The following CHD8 variants were observed in gnomAD, a reference collection of about 807,000 sequenced individuals.
CHD8 encodes the protein ATP-dependent chromatin remodeler CHD8.
A neutral mutation model predicts 279.2 loss-of-function variants in CHD8; 31 were observed. The observed-to-expected ratio is 0.11, with a 90% CI of 0.08 to 0.15. CHD8 has a LOEUF of 0.15. Among genes scored for constraint, CHD8 ranks in the 10% least tolerant of loss-of-function variants. The pLI, the probability that CHD8 is intolerant of heterozygous loss-of-function variation, is 1.00. For synonymous variants in CHD8, 1,081 were observed against 1,139.6 expected (o/e 0.95, Z 1.04); for missense variants, 2,146 against 3,230.5 (o/e 0.66, Z 8.14).
In CHD8 at chr14:21,391,016, A is replaced by T. The variant is rs1566409423; in HGVS notation, c.7113T>A (p.Asn2371Lys). ...CCAAACAGTTCAATTCTGCCTTATT[A>T]TTTTTTTTACATCTTTGCCACTTCT... ...RKQKWQRCKK[N>K]NKAELNCLGM... is the part of the protein sequence containing the mutation. The change falls in exon 37 of 38, where the codon AAT (asparagine) becomes AAA (lysine). Residue 2371 changes from asparagine to lysine, a missense_variant. Around this residue, in one of 26 missense-constraint regions of CHD8, gnomAD observed 336 missense variants for 392.9 expected, o/e 0.86. Coordinates refer to ENST00000646647, the MANE Select transcript of CHD8 (RefSeq NM_001170629.2). The T allele has an allele frequency of 9.4e-6, 15 of 1,602,016 alleles. No individual in the cohort carries two copies. Among genetic ancestry groups the T allele is most frequent in the African/African-American group, 2.7e-5 (2 of 74,644 alleles).
In CHD8 at chr14:21,400,507, T is replaced by C. The variant is rs1365654930; in HGVS notation, c.4476A>G (p.Leu1492=). 6.2e-7 allele frequency: 1 copy of C among 1,613,276 alleles called. No individual in the cohort carries two copies. Among genetic ancestry groups the C allele is most frequent in the Admixed American group, 1.7e-5 (1 of 59,840 alleles). ...TAATATTTTCATCCCCACGGTAGTG[T>C]AGAAGACAGTACACGAGAATGGCCC... ...ICRAILVYCL[L]HYRGDENIKG... Residue 1492 remains leucine (L), a synonymous_variant, in exon 23 of 38, where the codon CTA becomes CTG. Transcript: ENST00000646647. This position sits in a 1 kb window ranked among gnomAD's most constrained non-coding sequence, Gnocchi z 4.2.
chr14:21,443,116 G>C (rs1890024895), intron 1 of CHD8, among the ~76,000 whole-genome samples: 1 of 152,178 alleles, frequency 6.6e-6, no homozygotes, highest in South Asian at 2.1e-4. Context: ...GCTGGGCTGG[G>C]CTCAGTGGCT....
rs1428045278 is a variant in CHD8, at chr14:21,399,997, C to G, written c.4801G>C (p.Gly1601Arg). The change falls in exon 25 of 38, where the codon GGG becomes CGG. Residue 1601 changes from glycine to arginine, a missense_variant. Gly to Arg is a moderately radical substitution (Grantham distance 125, BLOSUM62 -2). Coordinates refer to ENST00000646647, the MANE Select transcript of CHD8 (RefSeq NM_001170629.2). Reference sequence around the variant, plus strand: ...GAATTTTACCTGGCAATCGCACCCCCTAACACCTTTTCTGCTTGGTCTCCA... The same window carrying G: ...GAATTTTACCTGGCAATCGCACCCCGTAACACCTTTTCTGCTTGGTCTCCA... ...VIGDQAEKVL[G>R]GAIASEIDIW... The G allele has an allele frequency of 1.9e-6, 3 of 1,613,214 alleles. No homozygotes were observed. The highest frequency in any genetic ancestry group is 2.5e-6 in the Non-Finnish European group (3 of 1,179,804).
chr14:21,422,418 A>G (rs1018217355), intron 5 of CHD8, among the ~76,000 whole-genome samples: 3 of 152,240 alleles, frequency 2.0e-5, no homozygotes, highest in African/African-American at 7.2e-5. Context: ...CTAGCAAACT[A>G]ACAGACCACT....
intron 1 of CHD8, among the ~76,000 whole-genome samples, chr14:21,446,273 C>T (rs775481852): frequency 6.6e-6 from 1 of 151,548 alleles, no homozygotes; most frequent in Non-Finnish European, 1.5e-5. Context: ...GCCAGGCACT[C>T]TAAGCAATGA....
chr14:21,427,686 A>G (rs1009756667), intron 4 of CHD8, 183 bp downstream of exon 4: 92 of 1,498,246 alleles, frequency 6.1e-5, no homozygotes, highest in Non-Finnish European at 7.5e-5. Context: ...AGGAGTACTC[A>G]CTTGAGCTTA....
chr14:21,394,603 C>T (rs1267438494), intron 30 of CHD8, 118 bp from the exon 31 acceptor site: 19 of 77,114 alleles, frequency 2.5e-4, no homozygotes, highest in African/African-American at 7.2e-4. Flanking sequence ...TGAAAGTAGA[C>T]GCAAAAAAAA....
At chr14:21,422,502 T>C (rs1889089798) in intron 5 of CHD8, among the ~76,000 whole-genome samples, 1 of 152,240 alleles carries the variant, frequency 6.6e-6, no homozygotes, top group East Asian at 1.9e-4. Flanking sequence ...TAACAAATAC[T>C]TTATTACTTT....
At position 21,402,210 on chromosome 14, in the gene CHD8, T is replaced by C; in HGVS notation, c.3883-74A>G. 6.8e-7 allele frequency: 1 copy of C among 1,462,740 alleles called. No individual in the cohort carries two copies. Among genetic ancestry groups the C allele is most frequent in the Non-Finnish European group, 9.3e-7 (1 of 1,073,066 alleles). The allele number at this position is 1,462,740 out of a possible 1,614,324, so 90.6% of individuals were successfully genotyped here. On this transcript the variant is annotated intron_variant, in intron 19 of 37. Transcript: ENST00000646647. The surrounding 1 kb of genome is among the most constrained non-coding windows in gnomAD (Gnocchi z 4.5). Reference sequence around the variant, plus strand: ...TAACCATGCCATAATATTTTAGCTATTATATTTTAAGAAATAATAATTGAG... The same window carrying C: ...TAACCATGCCATAATATTTTAGCTACTATATTTTAAGAAATAATAATTGAG...
At chr14:21,410,043 G>C in intron 10 of CHD8, 55 bp from the exon 11 acceptor site, 1 of 1,494,794 alleles carries the variant, frequency 6.7e-7, no homozygotes, top group Non-Finnish European at 9.0e-7. Flanking sequence ...CTCTGCTCCA[G>C]TTAAAGAATA....
At position 21,406,823 on chromosome 14, in the gene CHD8, G is replaced by T. The variant is rs534859771; in HGVS notation, c.2907+33C>A. 1.5e-5 allele frequency: 23 copies of T among 1,570,838 alleles called. No individual in the cohort carries two copies. The East Asian group carries it at 4.9e-4, about 34-fold the overall frequency. ...CGCAAGGAATTACGGTTTATTCCAG[G>T]TGTTTCTGCTCACAAGTCAGTGTGG... is the stretch of plus-strand genomic sequence containing the variant. On this transcript the variant is annotated intron_variant, in intron 14 of 37. Transcript: ENST00000646647.
intron 1 of CHD8, among the ~76,000 whole-genome samples, chr14:21,439,398 A>G (rs1260841230): frequency 2.0e-5 from 3 of 152,134 alleles, no homozygotes; most frequent in African/African-American, 7.2e-5. Context: ...CCACCATCCA[A>G]TCATTTGCCA....
At chr14:21,443,433 CT>C (rs1407156105) in intron 1 of CHD8, among the ~76,000 whole-genome samples, 3 of 152,036 alleles carry the variant, frequency 2.0e-5, no homozygotes, top group Admixed American at 2.0e-4. Context: ...AGAATAATGC[CT>C]TCTTAAGCAG....
intron 13 of CHD8, 94 bp from the exon 14 acceptor site, chr14:21,407,126 T>C: frequency 2.0e-6 from 2 of 1,016,878 alleles, no homozygotes; most frequent in East Asian, 2.6e-5. Context: ...GCATGTTTAA[T>C]AGGCAATACA....
intron 1 of CHD8, among the ~76,000 whole-genome samples, chr14:21,444,886 C>T (rs78458422): frequency 0.012 from 1,762 of 152,170 alleles, 28 homozygotes; most frequent in African/African-American, 0.04. Context: ...TCTCATATCT[C>T]TGGGCAAGAT....
At chr14:21,422,595 A>G (rs1277139297) in intron 5 of CHD8, among the ~76,000 whole-genome samples, 2 of 152,194 alleles carry the variant, frequency 1.3e-5, no homozygotes, top group East Asian at 1.9e-4. Flanking sequence ...TTGTGTTGCT[A>G]TAACAGAATA....
rs114552100 is a variant in CHD8, at chr14:21,394,526, C to A, written c.5391-41G>T. ...TAGGGCAACAATAATCAGAAGAACA[C>A]ATCAGAAGAACACAAGAAAACTGGT... On this transcript the variant is annotated intron_variant, in intron 30 of 37. Transcript: ENST00000646647. 1,249 of 1,227,318 alleles carry A rather than the reference C, an allele frequency of 1.0e-3. 12 individuals are homozygous for A. The African/African-American group carries it at 0.018, about 18-fold the overall frequency. 76.0% of individuals were successfully genotyped at this position (1,227,318 alleles called of 1,614,324 possible). A position where few individuals can be genotyped will look rare whatever the true frequency, so the allele number is the denominator to read the frequency against.
chr14:21,412,012 C>T (rs1888515491), intron 10 of CHD8, among the ~76,000 whole-genome samples: 1 of 149,794 alleles, frequency 6.7e-6, no homozygotes, highest in Admixed American at 6.7e-5. Flanking sequence ...TGCAATGAGC[C>T]AAGATCACAC....
intron 1 of CHD8, among the ~76,000 whole-genome samples, chr14:21,435,371 T>C (rs1889740052): frequency 6.6e-6 from 1 of 152,204 alleles, no homozygotes; most frequent in Non-Finnish European, 1.5e-5. Flanking sequence ...ATCTCCTTCT[T>C]AAAGGTGAAA....
Sources: gnomAD v4.1 joint callset for allele counts (sites outside exome capture counted in the v4.1 genomes callset) on GRCh38, gnomAD v4.1.1 for gene constraint, gnomAD v4.1.1 regional missense constraint, Gnocchi (gnomAD v3.1) non-coding constraint, MANE v1.5 for transcripts, NCBI Gene and HGNC (gene_info 2026-07-23, HGNC 2026-07-21) for gene names.